The following MAP3K13 variants were observed in gnomAD, a reference collection of about 807,000 sequenced individuals.
The protein encoded by MAP3K13 is mitogen-activated protein kinase kinase kinase 13.
A neutral mutation model predicts 104.0 loss-of-function variants in MAP3K13; 52 were observed. The observed-to-expected ratio is 0.50, with a 90% CI of 0.40 to 0.63. The LOEUF (loss-of-function observed/expected upper bound fraction) is 0.63, where lower values mean the gene tolerates loss of function less well. MAP3K13 is among the 20% of genes least tolerant of loss of function. MAP3K13 has a pLI of 0.00. For missense variants in MAP3K13, 914 were observed against 1,218.5 expected, an observed-to-expected ratio of 0.75 and a Z score of 3.72; for synonymous variants, 394 against 442.2, an observed-to-expected ratio of 0.89 and a Z score of 1.37.
intron 2 of MAP3K13, among the ~76,000 whole-genome samples, chr3:185,310,069 G>A (rs568745297): frequency 2.9e-4 from 44 of 152,298 alleles, no homozygotes; most frequent in African/African-American, 1.0e-3. Context: ...GATATGCAGT[G>A]ACTGCTGAAA....
At chr3:185,467,571 T>C (rs1295758086) in intron 10 of MAP3K13, among the ~76,000 whole-genome samples, 2 of 151,918 alleles carry the variant, frequency 1.3e-5, no homozygotes, top group Non-Finnish European at 2.9e-5. Flanking sequence ...GATCATGAGG[T>C]CAGGAGATCA....
intron 2 of MAP3K13, chr3:185,329,308 T>C (rs991238659): frequency 7.2e-6 from 5 of 698,120 alleles, no homozygotes; most frequent in Admixed American, 6.2e-5. Context: ...TTTATCCTCA[T>C]GTTCTTTCCA....
At chr3:185,321,087 T>C (rs1382943688) in intron 2 of MAP3K13, among the ~76,000 whole-genome samples, 1 of 150,318 alleles carries the variant, frequency 6.7e-6, no homozygotes, top group African/African-American at 2.5e-5. Flanking sequence ...CGTGCACACA[T>C]ATACACATGC....
intron 7 of MAP3K13, among the ~76,000 whole-genome samples, chr3:185,455,957 T>C (rs1202520199): frequency 6.9e-6 from 1 of 145,450 alleles, no homozygotes; most frequent in Non-Finnish European, 1.5e-5. Flanking sequence ...ATGATGTATA[T>C]ATATGATATG....
At chr3:185,425,067 A>G (rs894800753) in intron 1 of MAP3K13, among the ~76,000 whole-genome samples, 1 of 152,184 alleles carries the variant, frequency 6.6e-6, no homozygotes, top group Non-Finnish European at 1.5e-5. Context: ...CATGTTGTGC[A>G]GGCTGAGTAT....
rs1216692468 is a variant in MAP3K13, at chr3:185,461,305, A to T, written c.1279-2245A>T. Among the ~76,000 whole-genome samples the T allele has an allele frequency of 7.9e-5, 12 of 152,304 alleles. 1 individual carries two copies. The highest frequency in any genetic ancestry group is 3.4e-3 in the Middle Eastern group (1 of 294). On this transcript the variant is annotated intron_variant, in intron 7 of 13. Transcript: ENST00000265026. Reference sequence around the variant, plus strand: ...TTGTTGGATAGATTTGCTGCCTGAAAGTCAACCAACCAACAGAAACTTCTC... The same window carrying T: ...TTGTTGGATAGATTTGCTGCCTGAATGTCAACCAACCAACAGAAACTTCTC...
chr3:185,438,897 T>C (rs1715182914), intron 3 of MAP3K13, among the ~76,000 whole-genome samples: 1 of 152,198 alleles, frequency 6.6e-6, no homozygotes, highest in South Asian at 2.1e-4. Context: ...TTTGCATTCC[T>C]GGAAAACAGT....
At chr3:185,405,389 G>A (rs1050971123) in intron 1 of MAP3K13, among the ~76,000 whole-genome samples, 2 of 152,188 alleles carry the variant, frequency 1.3e-5, no homozygotes, top group Non-Finnish European at 2.9e-5. Flanking sequence ...AAAGAAAAGA[G>A]ACTCGTTAGC....
At chr3:185,477,972 TTTAATA>T (rs1157428461) in intron 12 of MAP3K13, among the ~76,000 whole-genome samples, 2 of 152,142 alleles carry the variant, frequency 1.3e-5, no homozygotes, top group African/African-American at 4.8e-5. Flanking sequence ...TATGAACTCA[TTTAATA>T]TTAATTACCT....
intron 2 of MAP3K13, among the ~76,000 whole-genome samples, chr3:185,308,302 C>G (rs961708203): frequency 6.6e-6 from 1 of 152,082 alleles, no homozygotes; most frequent in African/African-American, 2.4e-5. Context: ...GCACTTGCTC[C>G]CTCTGGTGTC....
chr3:185,470,697 G>C lies in MAP3K13; in HGVS notation c.1644-2278G>C, dbSNP rs574882536. Among the ~76,000 whole-genome samples the C allele has an allele frequency of 5.9e-5, 9 of 152,278 alleles. No individual in the cohort carries two copies. The South Asian group carries it at 1.9e-3, about 32-fold the overall frequency. Reference sequence around the variant, plus strand: ...AAATCCTCTGTAAGTGGACATGTAGGTTGTTTCCAGCTTTTTGCTATTTCA... The same window carrying C: ...AAATCCTCTGTAAGTGGACATGTAGCTTGTTTCCAGCTTTTTGCTATTTCA... On this transcript the variant is annotated intron_variant, in intron 10 of 13. Transcript: ENST00000265026.
chr3:185,399,654 AAAAGGAGGGAAG>A (rs1402189408), intron 1 of MAP3K13, among the ~76,000 whole-genome samples: 638 of 2,574 alleles, frequency 0.25, 123 homozygotes, highest in South Asian at 0.53. Context: ...GAGGGAGGAA[AAAAGGAGGGAAG>A]GAAGGAAGGA....
chr3:185,288,627 T>G (rs1431632481), intron 2 of MAP3K13, among the ~76,000 whole-genome samples: 1 of 151,818 alleles, frequency 6.6e-6, no homozygotes, highest in Non-Finnish European at 1.5e-5. Context: ...CATTAAGGCC[T>G]TAGAGCTGGG....
In MAP3K13 at chr3:185,317,000, T is replaced by C. The variant is rs560034683; in HGVS notation, c.-86+31357T>C. Among the ~76,000 whole-genome samples the C allele has an allele frequency of 8.5e-5, 13 of 152,306 alleles. 1 individual carries two copies. The South Asian group carries it at 2.3e-3, about 27-fold the overall frequency. Reference sequence around the variant, plus strand: ...TATTCCAGCCACTGTTATAAAATAGTGTATTGAAATATTCTAGGAAAAATA... The same window carrying C: ...TATTCCAGCCACTGTTATAAAATAGCGTATTGAAATATTCTAGGAAAAATA... On this transcript the variant is annotated intron_variant, in intron 2 of 14. Coordinates refer to the MAP3K13 transcript ENST00000424227.
At position 185,400,901 on chromosome 3, in the gene MAP3K13, GTTTGT is replaced by G. The variant is rs1438340329; in HGVS notation, c.-85-27592_-85-27588del. ...CTTATTAGGATAATTCTGGGTGTTT[GTTTGT>G]TTTTTTTTTTTTTTTTGTCTTCTTT... is the stretch of plus-strand genomic sequence containing the variant. On this transcript the variant is annotated intron_variant, in intron 1 of 13. Transcript: ENST00000265026. Among the ~76,000 whole-genome samples the G allele has an allele frequency of 7.3e-3, 422 of 58,106 alleles. 2 individuals carry two copies. Among genetic ancestry groups the G allele is most frequent in the African/African-American group, 0.027 (382 of 14,076 alleles). The allele number at this position is 58,106 out of a possible 152,430, so 38.1% of individuals were successfully genotyped here. A position where few individuals can be genotyped will look rare whatever the true frequency, so the allele number is the denominator to read the frequency against.
intron 2 of MAP3K13, among the ~76,000 whole-genome samples, chr3:185,322,910 T>C (rs1018574863): frequency 3.3e-5 from 5 of 152,232 alleles, no homozygotes; most frequent in Admixed American, 3.3e-4. Flanking sequence ...TTTACCCTAA[T>C]GTAGGCCCTC....
intron 1 of MAP3K13, among the ~76,000 whole-genome samples, chr3:185,390,545 A>G (rs562614772): frequency 6.6e-6 from 1 of 152,206 alleles, no homozygotes; most frequent in Admixed American, 6.5e-5. Flanking sequence ...ATTACAAAGC[A>G]GGATTTTATT....
chr3:185,309,373 G>A (rs999132516), intron 2 of MAP3K13, among the ~76,000 whole-genome samples: 1 of 152,000 alleles, frequency 6.6e-6, no homozygotes, highest in Non-Finnish European at 1.5e-5. Context: ...AGCTGGGTGT[G>A]GTGCCACATG....
rs541479174 is a variant in MAP3K13, at chr3:185,380,956, T to G, written c.-86+17588T>G. Among the ~76,000 whole-genome samples the G allele has an allele frequency of 2.8e-3, 427 of 150,184 alleles. 4 individuals carry two copies. The highest frequency in any genetic ancestry group is 9.7e-3 in the African/African-American group (398 of 41,082). The stretch of plus-strand genomic sequence containing the variant: ...AGGAAGAAGGTTTTTTTGTTTTTTT[T>G]TTGTTTTTTTTTGTTTTTCTTTTTG... On this transcript the variant is annotated intron_variant, in intron 1 of 13. Transcript: ENST00000265026.
Sources: allele counts gnomAD v4.1 joint callset (sites outside exome capture counted in the v4.1 genomes callset), GRCh38; gene constraint gnomAD v4.1.1; transcripts MANE v1.5; gene names NCBI Gene and HGNC (gene_info 2026-07-23, HGNC 2026-07-21).